Variants in GALNT17 observed in about 807,000 individuals in gnomAD.
The protein encoded by GALNT17 is UDP-GalNAc:polypeptide N-acetylgalactosaminyltransferase-like 3.
GALNT17 carries 29 observed loss-of-function variants against 63.7 expected under a neutral mutation model. That is an observed-to-expected ratio of 0.46 (90% CI 0.34 to 0.62). The LOEUF (loss-of-function observed/expected upper bound fraction) is 0.62. Among genes scored for constraint, GALNT17 ranks in the 20% least tolerant of loss-of-function variants. GALNT17 has a pLI of 0.01. For synonymous variants in GALNT17, 305 were observed against 318.3 expected (o/e 0.96, Z 0.45); for missense variants, 603 against 799.6 (o/e 0.75, Z 2.97).
At chr7:71,216,826 A>G (rs957341009) in intron 1 of GALNT17, among the ~76,000 whole-genome samples, 1 of 152,192 alleles carries the variant, frequency 6.6e-6, no homozygotes, top group Non-Finnish European at 1.5e-5. Context: ...TTTTATTACT[A>G]TAGTAGTTAT....
chr7:71,638,096 G>C (rs910796651), intron 6 of GALNT17, among the ~76,000 whole-genome samples: 3 of 152,158 alleles, frequency 2.0e-5, no homozygotes, highest in South Asian at 2.1e-4. Context: ...CACCATAGAG[G>C]GTAACTTCCT....
At chr7:71,416,431 G>A (rs998074762) in intron 4 of GALNT17, among the ~76,000 whole-genome samples, 2 of 152,116 alleles carry the variant, frequency 1.3e-5, no homozygotes, top group Non-Finnish European at 2.9e-5. Flanking sequence ...GGGCAACATG[G>A]TGAGACCCTG....
At chr7:71,542,710 A>AAAAAAAAAAAAAAT (rs1562683507) in intron 5 of GALNT17, among the ~76,000 whole-genome samples, 5 of 151,534 alleles carry the variant, frequency 3.3e-5, no homozygotes, top group African/African-American at 1.2e-4. Flanking sequence ...AAAAAAAAAA[A>AAAAAAAAAAAAAAT]AGATAACGAT....
intron 1 of GALNT17, among the ~76,000 whole-genome samples, chr7:71,317,790 C>T (rs1043920187): frequency 2.6e-5 from 4 of 152,054 alleles, no homozygotes; most frequent in African/African-American, 9.7e-5. Flanking sequence ...GTACATCTGG[C>T]GGATACACCC....
chr7:71,571,624 A>G (rs1357327922), intron 6 of GALNT17, among the ~76,000 whole-genome samples: 2 of 152,112 alleles, frequency 1.3e-5, no homozygotes, highest in African/African-American at 4.8e-5. Context: ...GTTTCATGCC[A>G]TTGCTACCCA....
At chr7:71,348,581 C>T (rs932359529) in intron 2 of GALNT17, among the ~76,000 whole-genome samples, 3 of 152,140 alleles carry the variant, frequency 2.0e-5, no homozygotes, top group Admixed American at 6.6e-5. Context: ...TTATAACCCC[C>T]GGGGTCATTG....
intron 6 of GALNT17, among the ~76,000 whole-genome samples, chr7:71,661,332 C>T (rs1357869576): frequency 6.6e-6 from 1 of 152,140 alleles, no homozygotes; most frequent in South Asian, 2.1e-4. Flanking sequence ...GTTTCCTCAT[C>T]TGTGATAAGC....
intron 1 of GALNT17, among the ~76,000 whole-genome samples, chr7:71,319,068 T>A (rs959388798): frequency 7.7e-6 from 1 of 130,190 alleles, no homozygotes; most frequent in African/African-American, 2.7e-5. Context: ...CTGAACCACA[T>A]CCTCAGCTTG....
intron 1 of GALNT17, among the ~76,000 whole-genome samples, chr7:71,186,863 G>A (rs1049864844): frequency 7.9e-5 from 12 of 152,196 alleles, no homozygotes; most frequent in African/African-American, 2.9e-4. Flanking sequence ...GGCTGGGCCT[G>A]CTGTAGCCTG....
intron 6 of GALNT17, among the ~76,000 whole-genome samples, chr7:71,615,232 A>G (rs927492587): frequency 6.6e-6 from 1 of 152,086 alleles, no homozygotes; most frequent in Non-Finnish European, 1.5e-5. Context: ...GTCATATTTA[A>G]TTTTAGCTGC....
At chr7:71,164,357 C>G (rs774742305) in intron 1 of GALNT17, among the ~76,000 whole-genome samples, 2 of 152,172 alleles carry the variant, frequency 1.3e-5, no homozygotes, top group Non-Finnish European at 2.9e-5. Flanking sequence ...CAGGGAAGTG[C>G]CTGACATTTA....
intron 9 of GALNT17, among the ~76,000 whole-genome samples, chr7:71,704,197 G>T (rs1219255172): frequency 6.6e-6 from 1 of 152,086 alleles, no homozygotes; most frequent in East Asian, 1.9e-4. Flanking sequence ...GATCACAGAG[G>T]TGTATTAAAC....
chr7:71,596,615 A>C (rs896907202), intron 6 of GALNT17, among the ~76,000 whole-genome samples: 3 of 151,992 alleles, frequency 2.0e-5, no homozygotes, highest in Non-Finnish European at 2.9e-5. Context: ...GGTTTGTGGG[A>C]GATGGCTCCT....
In GALNT17 at chr7:71,151,093, AT is replaced by A. The variant is rs984902510; in HGVS notation, c.238+18055del. 2.6e-4 allele frequency among the ~76,000 whole-genome samples: 40 copies of A among 152,022 alleles called. 1 individual carries two copies. The highest frequency in any genetic ancestry group is 8.9e-4 in the African/African-American group (37 of 41,474). On this transcript the variant is annotated intron_variant, in intron 1 of 10. Transcript: ENST00000333538. ...CTGTGTGGGACCATTGTGTTCAGCC[AT>A]TGAGATTTTGGAGCTTATCTGTTAT...
chr7:71,280,201 G>T lies in GALNT17; in HGVS notation c.239-55349G>T, dbSNP rs115515705. On this transcript the variant is annotated intron_variant, in intron 1 of 10. Transcript: ENST00000333538. ...ACAGGGGACCAGAGTCCAGGATAATGAGATGGGCACAAGGGACTTTATTCA... is the reference window on the plus strand; with the variant it reads ...ACAGGGGACCAGAGTCCAGGATAATTAGATGGGCACAAGGGACTTTATTCA... Among the ~76,000 whole-genome samples the T allele has an allele frequency of 4.7e-3, 712 of 152,274 alleles. 5 individuals carry two copies. The highest frequency in any genetic ancestry group is 0.016 in the African/African-American group (681 of 41,564).
Position 71,150,138 on chromosome 7 carries a change from C to G in GALNT17, c.238+17098C>G, listed in dbSNP as rs748540867. On this transcript the variant is annotated intron_variant, in intron 1 of 10. Transcript: ENST00000333538. ...TCTCATTCCTGTTCACCATCCTGAT[C>G]TGTGCCACAGACCTAGGTTTGAGTG... Among the ~76,000 whole-genome samples, 90 of 152,120 alleles carry G rather than the reference C, an allele frequency of 5.9e-4. 2 individuals carry two copies. Among genetic ancestry groups the G allele is most frequent in the Non-Finnish European group, 1.2e-4 (8 of 68,018 alleles).
At chr7:71,468,130 T>G (rs901773736) in intron 5 of GALNT17, among the ~76,000 whole-genome samples, 1 of 152,106 alleles carries the variant, frequency 6.6e-6, no homozygotes, top group Non-Finnish European at 1.5e-5. Flanking sequence ...TGGGCTCAAG[T>G]CATCCTCCTG....
chr7:71,361,670 G>A (rs1170448783), intron 2 of GALNT17, among the ~76,000 whole-genome samples: 2 of 152,082 alleles, frequency 1.3e-5, no homozygotes, highest in South Asian at 2.1e-4. Context: ...GTTGAGTTTC[G>A]TTGAGTTTTA....
intron 2 of GALNT17, among the ~76,000 whole-genome samples, chr7:71,366,450 G>T (rs192638637): frequency 2.6e-5 from 4 of 152,082 alleles, no homozygotes; most frequent in African/African-American, 9.7e-5. Context: ...GCATGGTGGC[G>T]GGCGCCTGTA....
Sources: allele counts gnomAD v4.1 joint callset (sites outside exome capture counted in the v4.1 genomes callset), GRCh38; gene constraint gnomAD v4.1.1; transcripts MANE v1.5; gene names NCBI Gene and HGNC (gene_info 2026-07-23, HGNC 2026-07-21).